The following ZNF646 variants were observed in gnomAD, a reference collection of about 807,000 sequenced individuals.
ZNF646 encodes the protein zinc finger protein 646.
ZNF646 carries 49 observed loss-of-function variants against 115.4 expected under a neutral mutation model. The ratio of observed to expected loss-of-function variants is 0.42; its 90% CI spans 0.34 to 0.54. The LOEUF (loss-of-function observed/expected upper bound fraction) is 0.54. ZNF646 is among the 20% of genes least tolerant of loss of function. The pLI is 0.04. For missense variants in ZNF646, 2,269 were observed against 2,457.9 expected, an observed-to-expected ratio of 0.92 and a Z score of 1.62; for synonymous variants, 933 against 939.0, an observed-to-expected ratio of 0.99 and a Z score of 0.12.
intron 1 of ZNF646, chr16:31,076,002 C>CT (rs2057071174): frequency 3.6e-6 from 1 of 279,440 alleles, no homozygotes; most frequent in Non-Finnish European, 6.7e-6. Context: ...TCTCTCTCAA[C>CT]TTTAATTTCC....
In ZNF646 at chr16:31,078,754, T is replaced by C. The variant is rs1331874288; in HGVS notation, c.2430T>C (p.Asn810=). 2.5e-6 allele frequency: 4 copies of C among 1,613,786 alleles called. No homozygotes were observed. Among genetic ancestry groups the C allele is most frequent in the African/African-American group, 1.3e-5 (1 of 74,936 alleles). ...GQPNSSSHSA[N]AVTGWQAGAA... ...CCAACTCCTCTTCCCACTCTGCCAATGCTGTCACTGGCTGGCAGGCTGGGG... is the reference window on the plus strand; with the variant it reads ...CCAACTCCTCTTCCCACTCTGCCAACGCTGTCACTGGCTGGCAGGCTGGGG... The change falls in exon 2 of 3, where the codon AAT becomes AAC. Residue 810 remains asparagine, a synonymous_variant. Coordinates refer to ENST00000300850, the MANE Select transcript of ZNF646 (RefSeq NM_014699.4).
In ZNF646 at chr16:31,083,593, GAGTGTCC is replaced by G; in HGVS notation, c.*503_*509del. The G allele has an allele frequency of 1.4e-6, 2 of 1,468,042 alleles. No individual in the cohort carries two copies. The highest frequency in any genetic ancestry group is 1.8e-6 in the Non-Finnish European group (2 of 1,103,960). The allele number at this position is 1,468,042 out of a possible 1,614,324, so 90.9% of individuals were successfully genotyped here. On this transcript the variant is annotated 3_prime_UTR_variant, in exon 3 of 3. Coordinates refer to ENST00000300850, the MANE Select transcript of ZNF646 (RefSeq NM_014699.4). ...TGCTTGGTAGCAGAGTTGGGTGTGG[GAGTGTCC>G]ACAGACACCCCTGTCCTGCAGGGTG...
chr16:31,075,410 G>T (rs1365472947), intron 1 of ZNF646, among the ~76,000 whole-genome samples: 1 of 152,160 alleles, frequency 6.6e-6, no homozygotes, highest in Non-Finnish European at 1.5e-5. Context: ...CAGTTCTTCA[G>T]CCTCAGCCTC....
Position 31,076,368 on chromosome 16 carries a change from G to A in ZNF646, c.44G>A (p.Arg15His), listed in dbSNP as rs1039884198. ...PPSLSCSDCQ[R>H]HFPSLPELSR... ...TCACTCAGCTGCTCCGACTGTCAGCGCCACTTTCCCAGCCTCCCAGAGCTC... is the reference window on the plus strand; with the variant it reads ...TCACTCAGCTGCTCCGACTGTCAGCACCACTTTCCCAGCCTCCCAGAGCTC... Residue 15 changes from arginine to histidine, a missense_variant, in exon 2 of 3, where the codon CGC becomes CAC. Physicochemically the swap from Arg to His is conservative, Grantham distance 29 (BLOSUM62 0). Around this residue, in one of 5 missense-constraint regions of ZNF646, gnomAD observed 334 missense variants for 323.5 expected, o/e 1.03. Transcript: ENST00000300850. 5.2e-5 allele frequency: 84 copies of A among 1,613,282 alleles called. No homozygotes were observed. The highest frequency in any genetic ancestry group is 6.8e-5 in the Non-Finnish European group (80 of 1,179,722).
chr16:31,079,333 C>T lies in ZNF646; in HGVS notation c.3009C>T (p.Val1003=), dbSNP rs780054573. Residue 1003 remains valine, a synonymous_variant, in exon 2 of 3, where the codon GTC becomes GTT. Coordinates refer to ENST00000300850, the MANE Select transcript of ZNF646 (RefSeq NM_014699.4). The surrounding 1 kb of genome is among the most constrained non-coding windows in gnomAD (Gnocchi z 5.5). ...TGGCAGGTGATGCCATGGAGATGGT[C>T]GTGGACAGTGTCTTGGAGGACATAG... ...LGVAGDAMEM[V]VDSVLEDIVN... The T allele has an allele frequency of 1.9e-5, 30 of 1,613,624 alleles. No homozygotes were observed. The highest frequency in any genetic ancestry group is 6.7e-5 in the Admixed American group (4 of 59,986).
rs2057120823 is a variant in ZNF646 at position 31,079,158 on chromosome 16, A to G, written c.2834A>G (p.Gln945Arg). 2 of 1,610,098 alleles carry G rather than the reference A, an allele frequency of 1.2e-6. No homozygotes were observed. The highest frequency in any genetic ancestry group is 1.7e-6 in the Non-Finnish European group (2 of 1,177,636). The change falls in exon 2 of 3, where the codon CAG becomes CGG. Residue 945 changes from glutamine to arginine, a missense_variant. Gln to Arg is a conservative substitution (Grantham distance 43). Around this residue, in one of 5 missense-constraint regions of ZNF646, gnomAD observed 852 missense variants for 900.2 expected, o/e 0.95. Coordinates refer to ENST00000300850, the MANE Select transcript of ZNF646 (RefSeq NM_014699.4). The surrounding 1 kb of genome is among the most constrained non-coding windows in gnomAD (Gnocchi z 5.5). ...GAAGCAGAGCTGCTGAATCAGCTGC[A>G]GCGGGAGGTGGAAGCGCTGGACAGT... ...LSEAELLNQL[Q>R]REVEALDSAG... is the part of the protein sequence containing the mutation.
At position 31,081,188 on chromosome 16, in the gene ZNF646, A is replaced by G. The variant is rs1470492881; in HGVS notation, c.4864A>G (p.Arg1622Gly). 6.3e-7 allele frequency: 1 copy of G among 1,591,644 alleles called. No homozygotes were observed. The highest frequency in any genetic ancestry group is 1.3e-5 in the African/African-American group (1 of 74,190). Residue 1622 changes from arginine to glycine, a missense_variant, in exon 2 of 3, where the codon AGA (arginine) becomes GGA (glycine). By Grantham distance (125) the Arg-to-Gly change is moderately radical (BLOSUM62 -2). This residue lies in a region of ZNF646 where 1,062 missense variants were observed against 1,172.8 expected (regional missense o/e 0.91). Transcript: ENST00000300850. ...SQVPAQMEEA[R>G]DPKAGTGEDQ... ...GGTGCCAGCCCAGATGGAGGAGGCC[A>G]GAGATCCCAAAGCCGGGACTGGGGA...
At chr16:31,076,129 C>G in intron 1 of ZNF646, 117 bp from the exon 2 acceptor site, 1 of 625,544 alleles carries the variant, frequency 1.6e-6, no homozygotes, top group Non-Finnish European at 2.6e-6. Flanking sequence ...GAAATTAGGT[C>G]CTTGGGCATG....
rs1280392305 is a variant in ZNF646 at position 31,076,994 on chromosome 16, G to T, written c.670G>T (p.Gly224Cys). 1.2e-6 allele frequency: 2 copies of T among 1,613,862 alleles called. No homozygotes were observed. Among genetic ancestry groups the T allele is most frequent in the African/African-American group, 2.7e-5 (2 of 74,898 alleles). ...TGAATCAGTAGTGAACTTCACAGGGGGCCAGGAGCCCACCCAGTCCCCTCC... is the reference window on the plus strand; with the variant it reads ...TGAATCAGTAGTGAACTTCACAGGGTGCCAGGAGCCCACCCAGTCCCCTCC... ...LAESVVNFTG[G>C]QEPTQSPPAE... Residue 224 changes from glycine to cysteine, a missense_variant, in exon 2 of 3, where the codon GGC becomes TGC. This residue lies in a region of ZNF646 where 334 missense variants were observed against 323.5 expected (regional missense o/e 1.03). Coordinates refer to ENST00000300850, the MANE Select transcript of ZNF646 (RefSeq NM_014699.4).
At position 31,079,469 on chromosome 16, in the gene ZNF646, C is replaced by T. The variant is rs769181605; in HGVS notation, c.3145C>T (p.Pro1049Ser). Residue 1049 changes from proline to serine, a missense_variant, in exon 2 of 3, where the codon CCC becomes TCC. Pro to Ser is a moderately conservative substitution (Grantham distance 74). Coordinates refer to ENST00000300850, the MANE Select transcript of ZNF646 (RefSeq NM_014699.4). This position sits in a 1 kb window ranked among gnomAD's most constrained non-coding sequence, Gnocchi z 5.5. ...QGGESLLEAQ[P>S]RPFRCNQCGK... ...TGGGGAAAGTTTGTTGGAGGCTCAG[C>T]CCCGCCCCTTCCGCTGCAACCAGTG... 1 of 1,613,594 alleles carries T rather than the reference C, an allele frequency of 6.2e-7. No individual in the cohort carries two copies. Among genetic ancestry groups the T allele is most frequent in the South Asian group, 1.1e-5 (1 of 91,086 alleles).
intron 2 of ZNF646, chr16:31,081,938 G>A: frequency 1.6e-6 from 1 of 615,190 alleles, no homozygotes; most frequent in East Asian, 2.9e-5. Context: ...GGCGTGGTCA[G>A]GCCGAGGCTG....
chr16:31,080,785 G>A lies in ZNF646; in HGVS notation c.4461G>A (p.Glu1487=), dbSNP rs2057146604. ...GWVPQFLTRS[E]EPEDSVHRSP... ...TTCCTCAGTTCCTAACTAGGTCAGA[G>A]GAGCCAGAGGACAGTGTCCACAGGA... is the stretch of plus-strand genomic sequence containing the variant. Residue 1487 remains glutamate (E), a synonymous_variant, in exon 2 of 3, where the codon GAG becomes GAA. Coordinates refer to ENST00000300850, the MANE Select transcript of ZNF646 (RefSeq NM_014699.4). 1 of 1,613,982 alleles carries A rather than the reference G, an allele frequency of 6.2e-7. No homozygotes were observed. The highest frequency in any genetic ancestry group is 1.7e-5 in the Admixed American group (1 of 60,016).
In ZNF646 at chr16:31,076,264, G is replaced by T. The variant is rs2057073911; in HGVS notation, c.-61G>T. 1.3e-6 allele frequency: 2 copies of T among 1,540,376 alleles called. No individual in the cohort carries two copies. Among genetic ancestry groups the T allele is most frequent in the Non-Finnish European group, 1.8e-6 (2 of 1,140,254 alleles). Reference sequence around the variant, plus strand: ...TTCCTAGGCCTTGGCCCCTCCACCAGAGGAAGGTGCTGCCACGTGTCTGCT... The same window carrying T: ...TTCCTAGGCCTTGGCCCCTCCACCATAGGAAGGTGCTGCCACGTGTCTGCT... On this transcript the variant is annotated 5_prime_UTR_variant, in exon 2 of 3. Transcript: ENST00000300850.
In ZNF646 at chr16:31,080,875, C is replaced by A. The variant is rs777500645; in HGVS notation, c.4551C>A (p.Asp1517Glu). The change falls in exon 2 of 3, where the codon GAC becomes GAA. Residue 1517 changes from aspartate (D) to glutamate (E), a missense_variant. Coordinates refer to ENST00000300850, the MANE Select transcript of ZNF646 (RefSeq NM_014699.4). ...CTCTGAGTCACATGGATAGCTGGGA[C>A]AACAGAGACAACAGCTCTCAGCTGC... Reference protein sequence around the residue: ...GPTLSHMDSWDNRDNSSQLQP... With the variant: ...GPTLSHMDSWENRDNSSQLQP... 2.5e-6 allele frequency: 4 copies of A among 1,614,142 alleles called. No homozygotes were observed. Among genetic ancestry groups the A allele is most frequent in the Non-Finnish European group, 3.4e-6 (4 of 1,180,040 alleles).
intron 2 of ZNF646, chr16:31,082,532 C>T (rs754875754): frequency 4.5e-6 from 1 of 224,690 alleles, no homozygotes; most frequent in South Asian, 6.8e-5. Context: ...AGGGCATCTC[C>T]GTGGGGAATC....
chr16:31,079,016 C>T lies in ZNF646; in HGVS notation c.2692C>T (p.Leu898Phe), dbSNP rs1182392511. Residue 898 changes from leucine (L) to phenylalanine (F), a missense_variant, in exon 2 of 3, where the codon CTT (leucine) becomes TTT (phenylalanine). This residue lies in a region of ZNF646 where 852 missense variants were observed against 900.2 expected (regional missense o/e 0.95). Transcript: ENST00000300850. This position sits in a 1 kb window ranked among gnomAD's most constrained non-coding sequence, Gnocchi z 5.5. ...CTTCCCTGGGCGGGCTGGCTACAGG[C>T]TTCACCGGCGCCAGGCCCACAGCTC... ...MIFPGRAGYR[L>F]HRRQAHSSSG... The T allele has an allele frequency of 3.8e-6, 6 of 1,590,046 alleles. No individual in the cohort carries two copies. The African/African-American group carries it at 5.4e-5, about 14-fold the overall frequency.
rs1367289259 is a variant in ZNF646, at chr16:31,080,177, G to C, written c.3853G>C (p.Gly1285Arg). 6.2e-7 allele frequency: 1 copy of C among 1,610,464 alleles called. No homozygotes were observed. The highest frequency in any genetic ancestry group is 8.5e-7 in the Non-Finnish European group (1 of 1,178,198). The change falls in exon 2 of 3, where the codon GGG becomes CGG. Residue 1285 changes from glycine to arginine, a missense_variant. Physicochemically the swap from Gly to Arg is moderately radical, Grantham distance 125. Coordinates refer to ENST00000300850, the MANE Select transcript of ZNF646 (RefSeq NM_014699.4). ...CCAGCGGGTCCACATGGAACGGCGT[G>C]GGGGTGGGGGCACCCGAAAGGCGAC... is the stretch of plus-strand genomic sequence containing the variant. Reference protein sequence around the residue: ...SHQRVHMERRGGGGTRKATRE... With the variant: ...SHQRVHMERRRGGGTRKATRE...
At position 31,083,838 on chromosome 16, in the gene ZNF646, T is replaced by C; in HGVS notation, c.*746T>C. The C allele has an allele frequency of 6.2e-7, 1 of 1,613,912 alleles. No homozygotes were observed. Among genetic ancestry groups the C allele is most frequent in the Middle Eastern group, 1.7e-4 (1 of 6,034 alleles). ...TGGGGAAGGAAGGAGGGTGGAGTTG[T>C]CCTCATCCTCACGGCTTTGGTCCCT... On this transcript the variant is annotated 3_prime_UTR_variant, in exon 3 of 3. Coordinates refer to ENST00000300850, the MANE Select transcript of ZNF646 (RefSeq NM_014699.4).
chr16:31,081,402 T>C lies in ZNF646; in HGVS notation c.5078T>C (p.Leu1693Pro). 6.2e-7 allele frequency: 1 copy of C among 1,611,654 alleles called. No homozygotes were observed. The highest frequency in any genetic ancestry group is 8.5e-7 in the Non-Finnish European group (1 of 1,177,946). The stretch of plus-strand genomic sequence containing the variant: ...TCCTACCGCCATGCTGGCAGCCTGC[T>C]GAACCACCAGAAGGCCCACACCACA... ...GRSYRHAGSL[L>P]NHQKAHTTGL... Residue 1693 changes from leucine (L) to proline (P), a missense_variant, in exon 2 of 3, where the codon CTG becomes CCG. Physicochemically the swap from Leu to Pro is moderately conservative, Grantham distance 98. This residue lies in a region of ZNF646 where 1,062 missense variants were observed against 1,172.8 expected (regional missense o/e 0.91). Coordinates refer to ENST00000300850, the MANE Select transcript of ZNF646 (RefSeq NM_014699.4).
Sources: allele counts gnomAD v4.1 joint callset (sites outside exome capture counted in the v4.1 genomes callset), GRCh38; gene constraint gnomAD v4.1.1; regional missense constraint gnomAD v4.1.1; non-coding constraint Gnocchi (gnomAD v3.1); transcripts MANE v1.5; gene names NCBI Gene and HGNC (gene_info 2026-07-23, HGNC 2026-07-21).